EXOC6B: variants seen among roughly 807,000 people sequenced by gnomAD.
EXOC6B encodes exocyst complex component 6B, also known as SEC15 homolog B.
In EXOC6B, 54 loss-of-function variants were observed where a neutral mutation model predicts 113.5. The ratio of observed to expected loss-of-function variants is 0.48; its 90% CI spans 0.38 to 0.60. EXOC6B has a LOEUF of 0.60. Ranked by LOEUF, EXOC6B falls within the 20% of genes least tolerant of loss-of-function variation. The pLI is 0.00. For missense variants in EXOC6B, 797 were observed against 977.5 expected, an observed-to-expected ratio of 0.82 and a Z score of 2.46; for synonymous variants, 357 against 339.0, an observed-to-expected ratio of 1.05 and a Z score of -0.58.
rs12619406 is a variant in EXOC6B at position 72,235,910 on chromosome 2, C to T, written c.2197-51723G>A. 6.2e-3 allele frequency among the ~76,000 whole-genome samples: 936 copies of T among 152,020 alleles called. 25 individuals are homozygous for T. Among genetic ancestry groups the T allele is most frequent in the Admixed American group, 0.05 (759 of 15,256 alleles). On this transcript the variant is annotated intron_variant, in intron 20 of 21. Transcript: ENST00000272427. Reference sequence around the variant, plus strand: ...CTTATCTTTTTATAGGTATATTTTGCCCCCCCTTCAAGGGCACTATAAACC... The same window carrying T: ...CTTATCTTTTTATAGGTATATTTTGTCCCCCCTTCAAGGGCACTATAAACC...
intron 6 of EXOC6B, among the ~76,000 whole-genome samples, chr2:72,665,225 T>C (rs2104464666): frequency 6.6e-6 from 1 of 151,894 alleles, no homozygotes; most frequent in South Asian, 2.1e-4. Context: ...GGCCCAGGAG[T>C]GGACCTGGTG....
intron 8 of EXOC6B, among the ~76,000 whole-genome samples, chr2:72,558,801 A>C (rs1440228971): frequency 6.6e-6 from 1 of 152,054 alleles, no homozygotes; most frequent in Non-Finnish European, 1.5e-5. Context: ...ATATATACAC[A>C]AATAAAAATT....
Position 72,697,923 on chromosome 2 carries a change from C to A in EXOC6B, c.669+20180G>T, listed in dbSNP as rs1475552950. Among the ~76,000 whole-genome samples, 5 of 152,122 alleles carry A rather than the reference C, an allele frequency of 3.3e-5. No homozygotes were observed. The East Asian group carries it at 9.6e-4, about 29-fold the overall frequency. ...AATCTAATCATGCCCCTTTCTAGCC[C>A]TAACTTAAAACCCTCAGGGACCTAT... is the stretch of plus-strand genomic sequence containing the variant. On this transcript the variant is annotated intron_variant, in intron 6 of 21. Transcript: ENST00000272427.
chr2:72,194,359 T>A (rs1201672930), intron 20 of EXOC6B, among the ~76,000 whole-genome samples: 1 of 152,020 alleles, frequency 6.6e-6, no homozygotes, highest in Admixed American at 6.5e-5. Context: ...GAGAGGAGAT[T>A]AACTAACATG....
intron 17 of EXOC6B, among the ~76,000 whole-genome samples, chr2:72,472,165 C>G (rs1279193021): frequency 1.3e-5 from 2 of 152,100 alleles, no homozygotes; most frequent in South Asian, 4.1e-4. Context: ...GAATATTGGT[C>G]TGTAGTTTTC....
intron 20 of EXOC6B, among the ~76,000 whole-genome samples, chr2:72,210,960 C>T (rs1573004760): frequency 6.6e-6 from 1 of 152,164 alleles, no homozygotes; most frequent in East Asian, 1.9e-4. Flanking sequence ...TTTTAGGGTG[C>T]TGATTAGCCT....
intron 6 of EXOC6B, among the ~76,000 whole-genome samples, chr2:72,694,538 C>T (rs778492892): frequency 6.6e-6 from 1 of 152,164 alleles, no homozygotes; most frequent in Non-Finnish European, 1.5e-5. Context: ...CTTCCACCTC[C>T]ATATTTTTGG....
At chr2:72,642,972 C>T (rs892497327) in intron 6 of EXOC6B, among the ~76,000 whole-genome samples, 1 of 151,504 alleles carries the variant, frequency 6.6e-6, no homozygotes, top group Non-Finnish European at 1.5e-5. Context: ...ACAGACACTT[C>T]TCAAAAGAAG....
At chr2:72,491,813 CA>C (rs1329265013) in intron 16 of EXOC6B, among the ~76,000 whole-genome samples, 1 of 152,080 alleles carries the variant, frequency 6.6e-6, no homozygotes, top group Non-Finnish European at 1.5e-5. Context: ...CTTTTGCAAA[CA>C]AACTACAAGC....
intron 7 of EXOC6B, among the ~76,000 whole-genome samples, chr2:72,565,944 C>T (rs1704150621): frequency 6.6e-6 from 1 of 151,882 alleles, no homozygotes; most frequent in Non-Finnish European, 1.5e-5. Flanking sequence ...AACCATCCTG[C>T]TTCTGGGAAA....
chr2:72,637,698 G>A (rs1322027985), intron 6 of EXOC6B, among the ~76,000 whole-genome samples: 2 of 151,968 alleles, frequency 1.3e-5, no homozygotes, highest in Admixed American at 1.3e-4. Context: ...GCTGAGGCAT[G>A]AGGATAGCTT....
At chr2:72,437,439 C>T (rs1054342963) in intron 18 of EXOC6B, among the ~76,000 whole-genome samples, 2 of 152,204 alleles carry the variant, frequency 1.3e-5, no homozygotes, top group African/African-American at 4.8e-5. Flanking sequence ...CTGGGAGATC[C>T]ACTGCTCTCT....
intron 1 of EXOC6B, among the ~76,000 whole-genome samples, chr2:72,791,470 G>A (rs970514968): frequency 1.3e-5 from 2 of 152,182 alleles, no homozygotes. Context: ...GGCTTAAGCC[G>A]AGGGAAGTTG....
chr2:72,462,684 C>T (rs1697773914), intron 18 of EXOC6B: 2 of 152,014 alleles, frequency 1.3e-5, no homozygotes, highest in Admixed American at 1.3e-4. Context: ...TTGCAGCCTC[C>T]AGAACTGTGA....
At chr2:72,437,626 G>T (rs1160978954) in intron 18 of EXOC6B, among the ~76,000 whole-genome samples, 1 of 152,030 alleles carries the variant, frequency 6.6e-6, no homozygotes, top group Non-Finnish European at 1.5e-5. Flanking sequence ...GAGGTAGTCT[G>T]GCTACAGTGG....
At chr2:72,688,519 T>C (rs1171731242) in intron 6 of EXOC6B, among the ~76,000 whole-genome samples, 1 of 150,366 alleles carries the variant, frequency 6.7e-6, no homozygotes, top group Non-Finnish European at 1.5e-5. Context: ...AGTTATGAGC[T>C]GAGGACTACT....
At chr2:72,289,173 T>C (rs547262290) in intron 20 of EXOC6B, 5 of 191,314 alleles carry the variant, frequency 2.6e-5, no homozygotes, top group East Asian at 1.6e-4. Context: ...AAAAGAAATA[T>C]ACATATTAAT....
intron 11 of EXOC6B, among the ~76,000 whole-genome samples, chr2:72,509,137 A>T (rs2105646616): frequency 6.6e-6 from 1 of 152,284 alleles, no homozygotes; most frequent in South Asian, 2.1e-4. Flanking sequence ...AGAGAAGGAG[A>T]GAGCAATCCT....
At chr2:72,326,462 G>T (rs1688135292) in intron 20 of EXOC6B, among the ~76,000 whole-genome samples, 1 of 152,082 alleles carries the variant, frequency 6.6e-6, no homozygotes, top group Admixed American at 6.6e-5. Context: ...CAGCGTGAGA[G>T]GATTGACAAT....
Sources: allele counts gnomAD v4.1 joint callset (sites outside exome capture counted in the v4.1 genomes callset), GRCh38; gene constraint gnomAD v4.1.1; transcripts MANE v1.5; gene names NCBI Gene and HGNC (gene_info 2026-07-23, HGNC 2026-07-21).